The following SPTAN1 variants were observed in gnomAD, a reference collection of about 807,000 sequenced individuals.
SPTAN1 encodes the protein spectrin alpha, non-erythrocytic 1.
In SPTAN1, 61 loss-of-function variants were observed where a neutral mutation model predicts 331.3. That is an observed-to-expected ratio of 0.18 (90% CI 0.15 to 0.23). The LOEUF (loss-of-function observed/expected upper bound fraction) is 0.23, where lower values mean the gene tolerates loss of function less well. Ranked by LOEUF, SPTAN1 falls within the 10% of genes least tolerant of loss-of-function variation. The pLI is 1.00. For synonymous variants in SPTAN1, 1,153 were observed against 1,173.9 expected (o/e 0.98, Z 0.36); for missense variants, 2,043 against 3,147.9 (o/e 0.65, Z 8.40).
Position 128,633,630 on chromosome 9 carries a change from G to T in SPTAN1, c.*296G>T. ...CACCCTCCCCCAAATCTGTTTTCATGTAAAAGACAAATAAATGATGACTTC... is the reference window on the plus strand; with the variant it reads ...CACCCTCCCCCAAATCTGTTTTCATTTAAAAGACAAATAAATGATGACTTC... On this transcript the variant is annotated 3_prime_UTR_variant, in exon 57 of 57. Transcript: ENST00000372739. 1 of 1,323,248 alleles carries T rather than the reference G, an allele frequency of 7.6e-7. No homozygotes were observed. Among genetic ancestry groups the T allele is most frequent in the Non-Finnish European group, 1.0e-6 (1 of 961,256 alleles). The allele number at this position is 1,323,248 out of a possible 1,614,324, so 82.0% of individuals were successfully genotyped here.
Position 128,629,234 on chromosome 9 carries a change from G to A in SPTAN1, c.6708-1087G>A, listed in dbSNP as rs972583430. 5 of 398,438 alleles carry A rather than the reference G, an allele frequency of 1.3e-5. No individual in the cohort carries two copies. The highest frequency in any genetic ancestry group is 1.3e-4 in the South Asian group (1 of 7,848). The allele number at this position is 398,438 out of a possible 1,614,324, so 24.7% of individuals were successfully genotyped here. On this transcript the variant is annotated intron_variant, in intron 51 of 56. Coordinates refer to ENST00000372739, the MANE Select transcript of SPTAN1 (RefSeq NM_001130438.3). This position sits in a 1 kb window ranked among gnomAD's most constrained non-coding sequence, Gnocchi z 4.9. ...CTTACCTCACTGTGGCTTTACTGATGCACTCTTGACATCCCCAGGCGGCTC... is the reference window on the plus strand; with the variant it reads ...CTTACCTCACTGTGGCTTTACTGATACACTCTTGACATCCCCAGGCGGCTC...
chr9:128,592,321 CTG>C (rs1408450472), intron 22 of SPTAN1, among the ~76,000 whole-genome samples: 1 of 149,928 alleles, frequency 6.7e-6, no homozygotes, highest in Non-Finnish European at 1.5e-5. Flanking sequence ...GTCATCCAGA[CTG>C]GAGTGCAGTG....
chr9:128,569,585 G>A (rs1479449563), intron 3 of SPTAN1, among the ~76,000 whole-genome samples: 1 of 151,740 alleles, frequency 6.6e-6, no homozygotes, highest in African/African-American at 2.4e-5. Context: ...TCTTATAACT[G>A]GATGTACTTA....
At position 128,615,844 on chromosome 9, in the gene SPTAN1, T is replaced by C. The variant is rs1427405959; in HGVS notation, c.5357+4T>C. 1 of 1,614,194 alleles carries C rather than the reference T, an allele frequency of 6.2e-7. No homozygotes were observed. ...ATGACGAGGAGTCCTGGATCAAGTATGTCTTCTCAGCCCTCTAGAAGGCCC... is the reference window on the plus strand; with the variant it reads ...ATGACGAGGAGTCCTGGATCAAGTACGTCTTCTCAGCCCTCTAGAAGGCCC... On this transcript the variant is annotated splice_donor_region_variant and intron_variant, in intron 41 of 56. Transcript: ENST00000372739.
Position 128,627,196 on chromosome 9 carries a change from C to A in SPTAN1, c.6577-190C>A. On this transcript the variant is annotated intron_variant, in intron 49 of 56. Coordinates refer to ENST00000372739, the MANE Select transcript of SPTAN1 (RefSeq NM_001130438.3). The surrounding 1 kb of genome is among the most constrained non-coding windows in gnomAD (Gnocchi z 4.9). ...TCCAGGTCCGCCTCTTCCTTGAAGC[C>A]CCTGGGGGGTGGGAACAGAGAAAGA... is the stretch of plus-strand genomic sequence containing the variant. The A allele has an allele frequency of 1.5e-6, 1 of 651,352 alleles. No individual in the cohort carries two copies. Among genetic ancestry groups the A allele is most frequent in the Non-Finnish European group, 2.8e-6 (1 of 358,780 alleles). 40.3% of individuals were successfully genotyped at this position (651,352 alleles called of 1,614,324 possible).
In SPTAN1 at chr9:128,584,762, C is replaced by G. The variant is rs763259317; in HGVS notation, c.2479C>G (p.Gln827Glu). The G allele has an allele frequency of 3.7e-6, 6 of 1,614,062 alleles. No individual in the cohort carries two copies. The highest frequency in any genetic ancestry group is 1.3e-5 in the African/African-American group (1 of 74,914). ...GGTCCAGAATCTGCTAAAGAAACAT[C>G]AAGCCTTACAAGCAGAAATTGCTGG... ...IGVQNLLKKH[Q>E]ALQAEIAGHE... Residue 827 changes from glutamine to glutamate, a missense_variant, in exon 18 of 57, where the codon CAA becomes GAA. Physicochemically the swap from Gln to Glu is conservative, Grantham distance 29 (BLOSUM62 2). Around this residue, in one of 12 missense-constraint regions of SPTAN1, gnomAD observed 1,038 missense variants for 1,531.5 expected, o/e 0.68. Transcript: ENST00000372739.
Position 128,584,494 on chromosome 9 carries a change from G to A in SPTAN1, c.2406G>A (p.Glu802=), listed in dbSNP as rs761758977. 2 of 1,614,180 alleles carry A rather than the reference G, an allele frequency of 1.2e-6. No individual in the cohort carries two copies. Among genetic ancestry groups the A allele is most frequent in the Non-Finnish European group, 8.5e-7 (1 of 1,180,036 alleles). Reference sequence around the variant, plus strand: ...AGGATGAGGAGACGTGGATTCGAGAGAAAGAGCCCATTGCCGCATCTACCA... The same window carrying A: ...AGGATGAGGAGACGTGGATTCGAGAAAAAGAGCCCATTGCCGCATCTACCA... The part of the protein sequence containing the change: ...DVEDEETWIR[E]KEPIAASTNR... The change falls in exon 17 of 57, where the codon GAG becomes GAA. Residue 802 remains glutamate (E), a synonymous_variant. Coordinates refer to ENST00000372739, the MANE Select transcript of SPTAN1 (RefSeq NM_001130438.3).
chr9:128,555,085 G>T (rs1376448168), intron 1 of SPTAN1, among the ~76,000 whole-genome samples: 2 of 152,088 alleles, frequency 1.3e-5, no homozygotes, highest in Non-Finnish European at 2.9e-5. Context: ...GGAAATTGAG[G>T]CCCCAAGGAG....
intron 27 of SPTAN1, among the ~76,000 whole-genome samples, chr9:128,601,551 G>A (rs903447256): frequency 4.1e-5 from 6 of 145,768 alleles, no homozygotes; most frequent in African/African-American, 7.7e-5. Context: ...GCAAAACCCC[G>A]GCTCTACAAA....
chr9:128,629,861 C>T lies in SPTAN1; in HGVS notation c.6708-460C>T. On this transcript the variant is annotated intron_variant, in intron 51 of 56. Coordinates refer to ENST00000372739, the MANE Select transcript of SPTAN1 (RefSeq NM_001130438.3). The surrounding 1 kb of genome is among the most constrained non-coding windows in gnomAD (Gnocchi z 4.9). ...ATTCCCCCTAGAATGGGGCTCCCTCCCTCAGGAACCTTGCCGGGACACTCC... is the reference window on the plus strand; with the variant it reads ...ATTCCCCCTAGAATGGGGCTCCCTCTCTCAGGAACCTTGCCGGGACACTCC... 3.1e-6 allele frequency: 1 copy of T among 323,532 alleles called. No individual in the cohort carries two copies. The highest frequency in any genetic ancestry group is 6.1e-6 in the Non-Finnish European group (1 of 163,720). The allele number at this position is 323,532 out of a possible 1,614,324, so 20.0% of individuals were successfully genotyped here.
chr9:128,616,549 T>C (rs939914245), intron 41 of SPTAN1, among the ~76,000 whole-genome samples: 1 of 151,398 alleles, frequency 6.6e-6, no homozygotes, highest in East Asian at 2.0e-4. Flanking sequence ...GGCAGATCAC[T>C]TGAGGTCAGG....
rs943612753 is a variant in SPTAN1 at position 128,627,677 on chromosome 9, G to A, written c.6689+179G>A. 17 of 786,258 alleles carry A rather than the reference G, an allele frequency of 2.2e-5. No homozygotes were observed. In the East Asian group the frequency reaches 3.9e-4, roughly 18 times the overall value. The allele number at this position is 786,258 out of a possible 1,614,324, so 48.7% of individuals were successfully genotyped here. ...AGCCGGGAGTGGGGGCATAGGTGGA[G>A]CAGCCTCTCAGTGCTGCATGTCCCA... On this transcript the variant is annotated intron_variant, in intron 50 of 56. Coordinates refer to ENST00000372739, the MANE Select transcript of SPTAN1 (RefSeq NM_001130438.3). The surrounding 1 kb of genome is among the most constrained non-coding windows in gnomAD (Gnocchi z 4.9).
intron 41 of SPTAN1, 115 bp downstream of exon 41, chr9:128,615,955 C>A: frequency 8.9e-7 from 1 of 1,126,362 alleles, no homozygotes; most frequent in Non-Finnish European, 1.3e-6. Context: ...GGGATCCCAG[C>A]TTGGGCACAC....
rs1855527037 is a variant in SPTAN1 at position 128,604,188 on chromosome 9, T to C, written c.3628-138T>C. On this transcript the variant is annotated intron_variant, in intron 28 of 56. Transcript: ENST00000372739. Reference sequence around the variant, plus strand: ...CTTACTGGAATATTGTATACTAATTTATTCAGCGAGGAAGGTTGGAAACAG... The same window carrying C: ...CTTACTGGAATATTGTATACTAATTCATTCAGCGAGGAAGGTTGGAAACAG... 3 of 904,184 alleles carry C rather than the reference T, an allele frequency of 3.3e-6. No individual in the cohort carries two copies. In the East Asian group the frequency reaches 7.9e-5, roughly 24 times the overall value. 56.0% of individuals were successfully genotyped at this position (904,184 alleles called of 1,614,324 possible).
At chr9:128,564,597 A>AAATT (rs1475545972) in intron 1 of SPTAN1, among the ~76,000 whole-genome samples, 1 of 151,582 alleles carries the variant, frequency 6.6e-6, no homozygotes, top group Non-Finnish European at 1.5e-5. Flanking sequence ...ATAAATAAAT[A>AAATT]AAAATCTGGT....
At chr9:128,628,241 C>T in intron 51 of SPTAN1, 2 of 557,698 alleles carry the variant, frequency 3.6e-6, no homozygotes, top group South Asian at 3.2e-5. Context: ...AGCTGGAGTC[C>T]AGAGGCCCTA....
intron 1 of SPTAN1, among the ~76,000 whole-genome samples, chr9:128,562,983 CATGTATGTGT>C (rs1470711817): frequency 0.022 from 2,651 of 120,674 alleles, 53 homozygotes; most frequent in Non-Finnish European, 0.032. Context: ...TATATATATA[CATGTATGTGT>C]ATATATATAT....
intron 1 of SPTAN1, chr9:128,555,337 C>A (rs1217159905): frequency 3.6e-5 from 46 of 1,288,250 alleles, no homozygotes; most frequent in Non-Finnish European, 4.3e-5. Context: ...GCTCTTCCCC[C>A]TCCCTCTTTA....
intron 20 of SPTAN1, among the ~76,000 whole-genome samples, chr9:128,587,941 G>A (rs1332956033): frequency 6.6e-6 from 1 of 151,912 alleles, no homozygotes; most frequent in African/African-American, 2.4e-5. Context: ...CGCCTCCTGG[G>A]TTCAAGCGAT....
Sources: allele counts gnomAD v4.1 joint callset (sites outside exome capture counted in the v4.1 genomes callset), GRCh38; gene constraint gnomAD v4.1.1; regional missense constraint gnomAD v4.1.1; non-coding constraint Gnocchi (gnomAD v3.1); transcripts MANE v1.5; gene names NCBI Gene and HGNC (gene_info 2026-07-23, HGNC 2026-07-21).